Variants in WDR27 observed in about 807,000 individuals in gnomAD.
WDR27 encodes the protein WD repeat domain 27, also known as WD repeat-containing protein 27.
In WDR27, 100 loss-of-function variants were observed where a neutral mutation model predicts 114.4. That is an observed-to-expected ratio of 0.87 (90% confidence interval 0.74 to 1.03). The LOEUF (loss-of-function observed/expected upper bound fraction) is 1.03, where lower values mean the gene tolerates loss of function less well. Among genes scored for constraint, WDR27 ranks in the 50% least tolerant of loss-of-function variants. The pLI is 0.00. For synonymous variants in WDR27, 449 were observed against 423.1 expected (o/e 1.06, Z -0.75); for missense variants, 1,129 against 1,092.9 (o/e 1.03, Z -0.47).
At chr6:169,609,334 G>T (rs1247078357) in intron 22 of WDR27, among the ~76,000 whole-genome samples, 1 of 152,160 alleles carries the variant, frequency 6.6e-6, no homozygotes, top group African/African-American at 2.4e-5. Context: ...CCTAGCAGAG[G>T]TTCTCCAAGG....
the WDR27 span, among the ~76,000 whole-genome samples, chr6:169,440,483 G>A: frequency 1.3e-5 from 2 of 152,166 alleles, no homozygotes; most frequent in African/African-American, 4.8e-5. Flanking sequence ...CATAATGGGA[G>A]ACATTCAAAC....
intron 25 of WDR27, among the ~76,000 whole-genome samples, chr6:169,531,825 T>G (rs1268240637): frequency 6.6e-6 from 1 of 152,144 alleles, no homozygotes; most frequent in Non-Finnish European, 1.5e-5. Flanking sequence ...GGCTAATTTT[T>G]GTATTTTTAG....
At chr6:169,506,271 T>C (rs1791989167) in intron 25 of WDR27, among the ~76,000 whole-genome samples, 2 of 152,198 alleles carry the variant, frequency 1.3e-5, no homozygotes, top group South Asian at 4.1e-4. Context: ...AGGGAGACAC[T>C]GGTCAGGATA....
At chr6:169,485,090 C>A (rs1436373969) in intron 25 of WDR27, among the ~76,000 whole-genome samples, 2 of 152,158 alleles carry the variant, frequency 1.3e-5, no homozygotes, top group Non-Finnish European at 2.9e-5. Flanking sequence ...CTAGGCAACA[C>A]TATTCTGGAC....
At chr6:169,685,366 T>A (rs1391295350) in intron 2 of WDR27, among the ~76,000 whole-genome samples, 1 of 151,644 alleles carries the variant, frequency 6.6e-6, no homozygotes, top group African/African-American at 2.4e-5. Context: ...AGAAAATATA[T>A]GAAATGTCAG....
Position 169,662,344 on chromosome 6 carries a change from G to A in WDR27, c.985C>T (p.Pro329Ser), listed in dbSNP as rs548310261. 5.0e-6 allele frequency: 8 copies of A among 1,613,996 alleles called. No homozygotes were observed. The South Asian group carries it at 8.8e-5, about 18-fold the overall frequency. The change falls in exon 9 of 26, where the codon CCC (proline) becomes TCC (serine). Residue 329 changes from proline (P) to serine (S), a missense_variant. Pro to Ser is a moderately conservative substitution (Grantham distance 74). Coordinates refer to ENST00000448612, the MANE Select transcript of WDR27 (RefSeq NM_182552.5). ...TTTGGGATGAGTGAGAGATCACAGG[G>A]TGCAAGTCTCAGTACAGGAAATGTT... ...EVTFPVLRLA[P>S]CDLSLIPNSA...
intron 21 of WDR27, among the ~76,000 whole-genome samples, chr6:169,628,724 C>T (rs960038650): frequency 6.6e-5 from 10 of 152,218 alleles, no homozygotes; most frequent in African/African-American, 2.2e-4. Context: ...CAGCCTTGTG[C>T]GAATGTTATT....
intron 2 of WDR27, among the ~76,000 whole-genome samples, chr6:169,678,702 T>G (rs1780711088): frequency 6.6e-6 from 1 of 152,204 alleles, no homozygotes; most frequent in Admixed American, 6.5e-5. Context: ...TATTTGACCC[T>G]TTCTATCGTG....
At chr6:169,501,434 C>T (rs1227451848) in intron 25 of WDR27, among the ~76,000 whole-genome samples, 1 of 152,202 alleles carries the variant, frequency 6.6e-6, no homozygotes, top group Non-Finnish European at 1.5e-5. Context: ...CCCAACCTCA[C>T]AGAGAGAACT....
chr6:169,700,433 A>C (rs1787601705), intron 1 of WDR27, among the ~76,000 whole-genome samples: 1 of 152,240 alleles, frequency 6.6e-6, no homozygotes, highest in South Asian at 2.1e-4. Flanking sequence ...CTTTCCTTCT[A>C]GACACAGAAC....
In WDR27 at chr6:169,602,384, A is replaced by G. The variant is rs997390255; in HGVS notation, c.2322-63T>C. On this transcript the variant is annotated intron_variant, in intron 22 of 25. Transcript: ENST00000448612. ...TTAAAATTTGAATGCAAATTAGAGG[A>G]AAGAAAACAACTTGTTGCTTTTCTT... 7.6e-6 allele frequency: 8 copies of G among 1,057,564 alleles called. No individual in the cohort carries two copies. In the African/African-American group the frequency reaches 1.1e-4, roughly 15 times the overall value. 65.5% of individuals were successfully genotyped at this position (1,057,564 alleles called of 1,614,324 possible).
intron 1 of WDR27, among the ~76,000 whole-genome samples, chr6:169,696,064 A>G (rs920431173): frequency 6.6e-6 from 1 of 152,240 alleles, no homozygotes; most frequent in Non-Finnish European, 1.5e-5. Flanking sequence ...CCAGAACCGT[A>G]AGATAATCCA....
At chr6:169,570,018 T>C (rs2294499) in intron 25 of WDR27, among the ~76,000 whole-genome samples, 89,875 of 152,052 alleles carry the variant, frequency 0.59, 29,227 homozygotes, top group Non-Finnish European at 0.72. Flanking sequence ...GTGTCTTCCA[T>C]GCTGCTAGGA....
At chr6:169,561,974 C>CATGT (rs1457651220) in intron 25 of WDR27, among the ~76,000 whole-genome samples, 1 of 152,154 alleles carries the variant, frequency 6.6e-6, no homozygotes, top group East Asian at 1.9e-4. Flanking sequence ...TAAAGACCAC[C>CATGT]ATGTCATCAC....
At chr6:169,595,225 T>C (rs1806544646) in intron 23 of WDR27, among the ~76,000 whole-genome samples, 1 of 152,264 alleles carries the variant, frequency 6.6e-6, no homozygotes, top group African/African-American at 2.4e-5. Flanking sequence ...CTCAGTTTCA[T>C]CATAGTATTT....
At chr6:169,556,109 C>T (rs1798851426) in intron 25 of WDR27, among the ~76,000 whole-genome samples, 1 of 152,188 alleles carries the variant, frequency 6.6e-6, no homozygotes, top group African/African-American at 2.4e-5. Flanking sequence ...CTGCTGGAGT[C>T]TCTCTCGCTT....
intron 21 of WDR27, among the ~76,000 whole-genome samples, chr6:169,615,107 G>A (rs192901590): frequency 1.8e-4 from 27 of 152,178 alleles, no homozygotes; most frequent in African/African-American, 6.5e-4. Context: ...AAAAAATGTG[G>A]AAGAGAAAGC....
Position 169,679,569 on chromosome 6 carries a change from G to A in WDR27, c.190-7173C>T, listed in dbSNP as rs1780968429. Among the ~76,000 whole-genome samples, 3 of 152,152 alleles carry A rather than the reference G, an allele frequency of 2.0e-5. No homozygotes were observed. In the South Asian group the frequency reaches 6.2e-4, roughly 32 times the overall value. On this transcript the variant is annotated intron_variant, in intron 2 of 25. Transcript: ENST00000448612. ...ATGCTGTCCTCACCACAGTGAGTGA[G>A]TTCTCATGAAATCTGGTCATTTAAA...
chr6:169,694,522 T>C (rs1585217493), intron 1 of WDR27, among the ~76,000 whole-genome samples: 1 of 152,224 alleles, frequency 6.6e-6, no homozygotes. Context: ...ATATGAAATG[T>C]AGCAACGGTT....
Sources: allele counts gnomAD v4.1 joint callset (sites outside exome capture counted in the v4.1 genomes callset), GRCh38; gene constraint gnomAD v4.1.1; transcripts MANE v1.5; gene names NCBI Gene and HGNC (gene_info 2026-07-23, HGNC 2026-07-21).